The following ARHGEF28 variants were observed in gnomAD, a reference collection of about 807,000 sequenced individuals.
ARHGEF28 encodes the protein Rho guanine nucleotide exchange factor 28, also known as 190 kDa guanine nucleotide exchange factor.
In ARHGEF28, 152 loss-of-function variants were observed where a neutral mutation model predicts 206.6. The observed-to-expected ratio is 0.74, with a 90% CI of 0.64 to 0.84. The LOEUF is 0.84. Ranked by LOEUF, ARHGEF28 falls within the 40% of genes least tolerant of loss-of-function variation. ARHGEF28 has a pLI of 0.00. For synonymous variants in ARHGEF28, 763 were observed against 776.4 expected (o/e 0.98, Z 0.29); for missense variants, 2,028 against 2,073.2 (o/e 0.98, Z 0.42).
Position 73,773,919 on chromosome 5 carries a change from G to A in ARHGEF28, c.540G>A (p.Gln180=), listed in dbSNP as rs1283692178. Residue 180 remains glutamine (Q), a synonymous_variant, in exon 5 of 36, where the codon CAG becomes CAA. Coordinates refer to ENST00000513042, the MANE Select transcript of ARHGEF28 (RefSeq NM_001177693.2). ...GATGGGGCCTGGCTAAACTTTCCCAGTTCTTCTTGTGTCTCCCGGGGGGAG... is the reference window on the plus strand; with the variant it reads ...GATGGGGCCTGGCTAAACTTTCCCAATTCTTCTTGTGTCTCCCGGGGGGAG... The part of the protein sequence containing the change: ...AMRWGLAKLS[Q]FFLCLPGGVQ... 1.2e-6 allele frequency: 2 copies of A among 1,608,838 alleles called. No homozygotes were observed. The highest frequency in any genetic ancestry group is 1.7e-6 in the Non-Finnish European group (2 of 1,177,526).
chr5:73,689,597 G>T (rs1336642305), intron 2 of ARHGEF28, among the ~76,000 whole-genome samples: 1 of 152,176 alleles, frequency 6.6e-6, no homozygotes, highest in Non-Finnish European at 1.5e-5. Context: ...GAAGAAGCAG[G>T]AATTGGCAAG....
intron 1 of ARHGEF28, among the ~76,000 whole-genome samples, chr5:73,666,720 G>A (rs1745982195): frequency 6.6e-6 from 1 of 152,192 alleles, no homozygotes. Flanking sequence ...AGACTGGAAA[G>A]GGAAGCCACC....
chr5:73,718,118 C>T (rs1327942944), intron 2 of ARHGEF28, among the ~76,000 whole-genome samples: 2 of 152,130 alleles, frequency 1.3e-5, no homozygotes, highest in Non-Finnish European at 2.9e-5. Flanking sequence ...GGGATCCACC[C>T]ACCTTGGCCT....
intron 16 of ARHGEF28, among the ~76,000 whole-genome samples, chr5:73,861,867 G>A (rs573868922): frequency 2.0e-5 from 3 of 152,088 alleles, no homozygotes; most frequent in Non-Finnish European, 2.9e-5. Context: ...CTTTTTGGCG[G>A]GGGGAGAGGG....
chr5:73,715,237 G>A (rs984669508), intron 2 of ARHGEF28, among the ~76,000 whole-genome samples: 2 of 152,220 alleles, frequency 1.3e-5, no homozygotes, highest in Non-Finnish European at 2.9e-5. Flanking sequence ...GCCTTGTCCT[G>A]TCCAAGGTGG....
intron 16 of ARHGEF28, among the ~76,000 whole-genome samples, chr5:73,862,285 T>G (rs944058265): frequency 2.6e-5 from 4 of 152,228 alleles, no homozygotes; most frequent in African/African-American, 7.2e-5. Flanking sequence ...ATTAGATGCC[T>G]TTTGCATTTA....
chr5:73,769,622 T>C (rs554143056), intron 4 of ARHGEF28, among the ~76,000 whole-genome samples: 1 of 152,326 alleles, frequency 6.6e-6, no homozygotes, highest in South Asian at 2.1e-4. Context: ...ATTTTGACCA[T>C]TTATATTTTT....
Position 73,806,846 on chromosome 5 carries a change from A to G in ARHGEF28, c.1024+11455A>G, listed in dbSNP as rs1020241557. On this transcript the variant is annotated intron_variant, in intron 9 of 35. Coordinates refer to ENST00000513042, the MANE Select transcript of ARHGEF28 (RefSeq NM_001177693.2). ...ACGATATATCGTATATATGGTATAT[A>G]TCGATATATACTATACATCTATATA... is the stretch of plus-strand genomic sequence containing the variant. 2.7e-4 allele frequency among the ~76,000 whole-genome samples: 39 copies of G among 146,988 alleles called. 2 individuals are homozygous for G. Among genetic ancestry groups the G allele is most frequent in the African/African-American group, 8.9e-4 (36 of 40,312 alleles).
At chr5:73,694,184 G>C (rs1401497160) in intron 2 of ARHGEF28, among the ~76,000 whole-genome samples, 1 of 152,122 alleles carries the variant, frequency 6.6e-6, no homozygotes, top group Non-Finnish European at 1.5e-5. Flanking sequence ...CCACTTTATG[G>C]TGCCCCCTCC....
intron 35 of ARHGEF28, among the ~76,000 whole-genome samples, chr5:73,925,398 A>G (rs1312791480): frequency 1.3e-5 from 2 of 152,084 alleles, no homozygotes; most frequent in South Asian, 2.1e-4. Flanking sequence ...TTTACTCTCA[A>G]CCTGATGACC....
intron 2 of ARHGEF28, among the ~76,000 whole-genome samples, chr5:73,737,855 G>A (rs1751101085): frequency 6.6e-6 from 1 of 152,072 alleles, no homozygotes; most frequent in Non-Finnish European, 1.5e-5. Context: ...GTAGGCTCTT[G>A]GAGCTGGGGC....
chr5:73,899,741 C>T (rs1323888566), intron 30 of ARHGEF28: 2 of 152,206 alleles, frequency 1.3e-5, no homozygotes, highest in Admixed American at 6.5e-5. Context: ...AGGTTATAAG[C>T]CAAGCAGACA....
At chr5:73,717,937 G>A (rs780572667) in intron 2 of ARHGEF28, among the ~76,000 whole-genome samples, 2 of 152,052 alleles carry the variant, frequency 1.3e-5, no homozygotes, top group Admixed American at 6.6e-5. Flanking sequence ...GTGTGCTGGC[G>A]CGATCATCTT....
In ARHGEF28 at chr5:73,940,980, A is replaced by G. The variant is rs553466667; in HGVS notation, c.5085A>G (p.Gly1695=). The change falls in exon 36 of 36, where the codon GGA becomes GGG. Residue 1695 remains glycine (G), a synonymous_variant. Transcript: ENST00000513042. ...RTMTRQDGET[G]DGAKENIVYL is the part of the protein sequence containing the mutation. ...TGACCAGACAAGATGGGGAAACTGGAGATGGAGCCAAAGAAAATATTGTTT... is the reference window on the plus strand; with the variant it reads ...TGACCAGACAAGATGGGGAAACTGGGGATGGAGCCAAAGAAAATATTGTTT... The G allele has an allele frequency of 1.2e-5, 18 of 1,524,558 alleles. No homozygotes were observed. The East Asian group carries it at 4.2e-4, about 36-fold the overall frequency. The allele number at this position is 1,524,558 out of a possible 1,614,324, so 94.4% of individuals were successfully genotyped here.
intron 18 of ARHGEF28, among the ~76,000 whole-genome samples, chr5:73,867,526 C>T (rs1759786503): frequency 1.3e-5 from 2 of 152,178 alleles, no homozygotes; most frequent in Admixed American, 1.3e-4. Flanking sequence ...ACTAATAACA[C>T]CTTGCAACTA....
At chr5:73,847,958 A>C (rs1372727747) in intron 12 of ARHGEF28, among the ~76,000 whole-genome samples, 3 of 152,190 alleles carry the variant, frequency 2.0e-5, no homozygotes, top group Admixed American at 1.3e-4. Context: ...ACTTTCCTCC[A>C]GGCTCCTTAA....
intron 1 of ARHGEF28, among the ~76,000 whole-genome samples, chr5:73,680,410 G>A (rs1291037204): frequency 1.4e-5 from 2 of 139,930 alleles, no homozygotes; most frequent in African/African-American, 5.5e-5. Flanking sequence ...ATTCCAGCCT[G>A]GGCAAGAGAG....
intron 9 of ARHGEF28, among the ~76,000 whole-genome samples, chr5:73,797,627 G>A (rs1432326169): frequency 6.6e-6 from 1 of 152,034 alleles, no homozygotes; most frequent in African/African-American, 2.4e-5. Context: ...CAAGTGATCT[G>A]CCAGCCTCGG....
In ARHGEF28 at chr5:73,677,195, G is replaced by A. The variant is rs182990989; in HGVS notation, c.-11-7646G>A. On this transcript the variant is annotated intron_variant, in intron 1 of 35. Coordinates refer to ENST00000513042, the MANE Select transcript of ARHGEF28 (RefSeq NM_001177693.2). ...GTAAGCTTTATTTTCTAATATAAGC[G>A]TTCAGTTCATTTTTTGAGTATTTTT... Among the ~76,000 whole-genome samples, 30 of 152,246 alleles carry A rather than the reference G, an allele frequency of 2.0e-4. 1 individual carries two copies. Among genetic ancestry groups the A allele is most frequent in the African/African-American group, 5.1e-4 (21 of 41,544 alleles).
Sources: gnomAD v4.1 joint callset for allele counts (sites outside exome capture counted in the v4.1 genomes callset) on GRCh38, gnomAD v4.1.1 for gene constraint, MANE v1.5 for transcripts, NCBI Gene and HGNC (gene_info 2026-07-23, HGNC 2026-07-21) for gene names.